The following HACD3 variants were observed in gnomAD, a reference collection of about 807,000 sequenced individuals.
HACD3 encodes the protein 3-hydroxyacyl-CoA dehydratase 3, also known as very-long-chain (3R)-3-hydroxyacyl-CoA dehydratase 3.
A neutral mutation model predicts 55.2 loss-of-function variants in HACD3; 30 were observed. That is an observed-to-expected ratio of 0.54 (90% confidence interval 0.41 to 0.74). The LOEUF (loss-of-function observed/expected upper bound fraction) is 0.74, where lower values mean the gene tolerates loss of function less well. HACD3 is among the 30% of genes least tolerant of loss of function. The pLI is 0.00. For synonymous variants in HACD3, 141 were observed against 151.7 expected, an observed-to-expected ratio of 0.93 and a Z score of 0.52; for missense variants, 363 against 440.1, an observed-to-expected ratio of 0.82 and a Z score of 1.57.
intron 1 of HACD3, among the ~76,000 whole-genome samples, chr15:65,543,760 G>C (rs2072045041): frequency 6.6e-6 from 1 of 152,108 alleles, no homozygotes; most frequent in South Asian, 2.1e-4. Context: ...AAAGCTACAC[G>C]GTCATGTCAG....
chr15:65,530,543 G>A lies in HACD3; in HGVS notation c.-89G>A. 8.0e-7 allele frequency: 1 copy of A among 1,252,422 alleles called. No individual in the cohort carries two copies. The highest frequency in any genetic ancestry group is 1.1e-6 in the Non-Finnish European group (1 of 896,332). 77.6% of individuals were successfully genotyped at this position (1,252,422 alleles called of 1,614,324 possible). ...GGCGCTCAGGAGCGCTAGGGTTTGA[G>A]GCCTGCTTTCTGCTCGCGCCAGCAG... On this transcript the variant is annotated 5_prime_UTR_variant, in exon 1 of 11. Coordinates refer to ENST00000261875, the MANE Select transcript of HACD3 (RefSeq NM_016395.4).
intron 7 of HACD3, among the ~76,000 whole-genome samples, chr15:65,569,173 G>A (rs999518509): frequency 5.3e-5 from 8 of 151,474 alleles, no homozygotes; most frequent in Admixed American, 2.0e-4. Flanking sequence ...GCATGAACCC[G>A]GGAGGCGGAG....
chr15:65,551,104 C>G (rs1431757690), intron 1 of HACD3: 2 of 152,358 alleles, frequency 1.3e-5, no homozygotes, highest in Admixed American at 1.3e-4. Context: ...GCCCTTCCCT[C>G]TACCTGTTGG....
In HACD3 at chr15:65,576,397, G is replaced by C. The variant is rs758492866; in HGVS notation, c.*18G>C. 1 of 1,583,220 alleles carries C rather than the reference G, an allele frequency of 6.3e-7. No individual in the cohort carries two copies. Among genetic ancestry groups the C allele is most frequent in the Non-Finnish European group, 8.6e-7 (1 of 1,164,574 alleles). ...TCCACTAAAAAGAAAGATTTAGATGGCTTCTTGCCAGTTTGAGCCTAATCT... is the reference window on the plus strand; with the variant it reads ...TCCACTAAAAAGAAAGATTTAGATGCCTTCTTGCCAGTTTGAGCCTAATCT... On this transcript the variant is annotated 3_prime_UTR_variant, in exon 11 of 11. Coordinates refer to ENST00000261875, the MANE Select transcript of HACD3 (RefSeq NM_016395.4).
intron 10 of HACD3, among the ~76,000 whole-genome samples, chr15:65,575,188 G>GGT (rs1567342220): frequency 8.7e-5 from 12 of 137,244 alleles, no homozygotes; most frequent in Non-Finnish European, 8.0e-5. Context: ...GGACTTTTTA[G>GGT]TTTTTTTTTT....
intron 1 of HACD3, among the ~76,000 whole-genome samples, chr15:65,540,124 C>T (rs2072005916): frequency 6.6e-6 from 1 of 152,068 alleles, no homozygotes; most frequent in Non-Finnish European, 1.5e-5. Flanking sequence ...GTGGTGTTTG[C>T]TATATTTTTC....
intron 1 of HACD3, among the ~76,000 whole-genome samples, chr15:65,545,128 TTG>T (rs1392929264): frequency 6.6e-6 from 1 of 152,114 alleles, no homozygotes; most frequent in African/African-American, 2.4e-5. Context: ...TGAAAGAGTG[TTG>T]TGAGGGAATG....
chr15:65,549,365 A>T (rs776892841), intron 1 of HACD3, among the ~76,000 whole-genome samples: 1 of 148,698 alleles, frequency 6.7e-6, no homozygotes, highest in Non-Finnish European at 1.5e-5. Context: ...AGGTGGGCGG[A>T]TCACAATGTC....
At chr15:65,536,222 T>C (rs1041292814) in intron 1 of HACD3, among the ~76,000 whole-genome samples, 21 of 151,962 alleles carry the variant, frequency 1.4e-4, no homozygotes, top group African/African-American at 5.1e-4. Context: ...GGTCTCGAAC[T>C]CCTAAGCTCA....
rs2072426478 is a variant in HACD3 at position 65,578,022 on chromosome 15, C to CATTG, written c.*1643_*1644insATTG. 6.6e-6 allele frequency: 1 copy of CATTG among 152,410 alleles called. No homozygotes were observed. The allele number at this position is 152,410 out of a possible 1,614,324, so 9.4% of individuals were successfully genotyped here. On this transcript the variant is annotated 3_prime_UTR_variant, in exon 11 of 11. Coordinates refer to ENST00000261875, the MANE Select transcript of HACD3 (RefSeq NM_016395.4). ...CCCAACATTCCTGGGGGAAAGGAGACTCAATGAGTTAATACTATTTCACTG... is the reference window on the plus strand; with the variant it reads ...CCCAACATTCCTGGGGGAAAGGAGACATTGTCAATGAGTTAATACTATTTCACTG...
Position 65,577,023 on chromosome 15 carries a change from G to C in HACD3, c.*644G>C, listed in dbSNP as rs2072409456. 6.6e-6 allele frequency: 1 copy of C among 152,142 alleles called. No individual in the cohort carries two copies. Among genetic ancestry groups the C allele is most frequent in the African/African-American group, 2.4e-5 (1 of 41,420 alleles). The allele number at this position is 152,142 out of a possible 1,614,324, so 9.4% of individuals were successfully genotyped here. On this transcript the variant is annotated 3_prime_UTR_variant, in exon 11 of 11. Coordinates refer to ENST00000261875, the MANE Select transcript of HACD3 (RefSeq NM_016395.4). ...TGAAGAGGCGCAGAATGCTTTGAAA[G>C]AAACTAATCAGAATCTTGGAACATC...
At chr15:65,570,242 C>A in intron 8 of HACD3, 39 bp downstream of exon 8, 1 of 1,392,324 alleles carries the variant, frequency 7.2e-7, no homozygotes. Context: ...AATGCTGCTC[C>A]CTGTTTGCAG....
At position 65,530,827 on chromosome 15, in the gene HACD3, C is replaced by T; in HGVS notation, c.87+109C>T. On this transcript the variant is annotated intron_variant, in intron 1 of 10. Coordinates refer to ENST00000261875, the MANE Select transcript of HACD3 (RefSeq NM_016395.4). ...GCGCGCCGGAGAGCCTGCAGTGCGC[C>T]AACAAGGTCGGCGACGCGGTGCGCT... 3.6e-6 allele frequency: 4 copies of T among 1,096,524 alleles called. 1 individual carries two copies. Among genetic ancestry groups the T allele is most frequent in the South Asian group, 3.4e-5 (2 of 59,472 alleles). 67.9% of individuals were successfully genotyped at this position (1,096,524 alleles called of 1,614,324 possible).
chr15:65,531,812 C>T (rs2071903592), intron 1 of HACD3, among the ~76,000 whole-genome samples: 1 of 152,074 alleles, frequency 6.6e-6, no homozygotes, highest in Admixed American at 6.5e-5. Context: ...GTGATCCACC[C>T]GTCTCGGCCT....
chr15:65,548,679 C>T (rs899596772), intron 1 of HACD3, among the ~76,000 whole-genome samples: 11 of 151,982 alleles, frequency 7.2e-5, no homozygotes, highest in African/African-American at 2.7e-4. Context: ...CTCAAGTTGT[C>T]CTCCCAGCTT....
chr15:65,550,131 T>C (rs897383890), intron 1 of HACD3, among the ~76,000 whole-genome samples: 1 of 152,212 alleles, frequency 6.6e-6, no homozygotes, highest in African/African-American at 2.4e-5. Flanking sequence ...CTCATGCCTG[T>C]AATCCCAGCA....
intron 2 of HACD3, chr15:65,551,939 T>G: frequency 2.3e-6 from 1 of 444,292 alleles, no homozygotes; most frequent in Non-Finnish European, 3.9e-6. Flanking sequence ...GTAGATACAG[T>G]GAAGGAAAAA....
At chr15:65,543,042 C>T (rs2072037062) in intron 1 of HACD3, among the ~76,000 whole-genome samples, 1 of 125,764 alleles carries the variant, frequency 8.0e-6, no homozygotes, top group Admixed American at 9.1e-5. Flanking sequence ...CCACTGCACT[C>T]CAGCCTGGCG....
intron 1 of HACD3, among the ~76,000 whole-genome samples, chr15:65,546,869 G>A (rs551026075): frequency 6.6e-6 from 1 of 152,252 alleles, no homozygotes; most frequent in Admixed American, 6.5e-5. Context: ...TGATTTGCTC[G>A]AAGGATTCAT....
Sources: allele counts gnomAD v4.1 joint callset (sites outside exome capture counted in the v4.1 genomes callset), GRCh38; gene constraint gnomAD v4.1.1; transcripts MANE v1.5; gene names NCBI Gene and HGNC (gene_info 2026-07-23, HGNC 2026-07-21).